Variants in SLC17A7 observed in about 807,000 individuals in gnomAD.
SLC17A7 encodes the protein solute carrier family 17 member 7.
In SLC17A7, 15 loss-of-function variants were observed where a neutral mutation model predicts 59.1. The ratio of observed to expected loss-of-function variants is 0.25; its 90% CI spans 0.17 to 0.39. SLC17A7 has a LOEUF of 0.39. Ranked by LOEUF, SLC17A7 falls within the 10% of genes least tolerant of loss-of-function variation. The pLI, the probability that SLC17A7 is intolerant of heterozygous loss-of-function variation, is 1.00. For synonymous variants in SLC17A7, 353 were observed against 308.9 expected, an observed-to-expected ratio of 1.14 and a Z score of -1.50; for missense variants, 499 against 765.1, an observed-to-expected ratio of 0.65 and a Z score of 4.10.
Position 49,432,493 on chromosome 19 carries a change from GCCGGCCCAGGC to G in SLC17A7, c.1150+15_1150+25del. The G allele has an allele frequency of 6.2e-7, 1 of 1,606,748 alleles. No homozygotes were observed. Among genetic ancestry groups the G allele is most frequent in the East Asian group, 2.2e-5 (1 of 44,666 alleles). On this transcript the variant is annotated intron_variant, in intron 9 of 11. Transcript: ENST00000221485. ...TCTGCTCCACCCAGGCTGTCCTAGAGCCGGCCCAGGCCCCGCCCCACTCACCTCCGCAGTTC... is the reference window on the plus strand; with the variant it reads ...TCTGCTCCACCCAGGCTGTCCTAGAGCCCGCCCCACTCACCTCCGCAGTTC...
At chr19:49,440,794 A>C (rs999862476) in intron 1 of SLC17A7, among the ~76,000 whole-genome samples, 1 of 152,122 alleles carries the variant, frequency 6.6e-6, no homozygotes, top group East Asian at 1.9e-4. Flanking sequence ...CCAGAGATCC[A>C]GGGAAGAGGA....
chr19:49,432,994 G>T (rs1229949226), intron 7 of SLC17A7, 34 bp from the exon 8 acceptor site: 1 of 1,584,244 alleles, frequency 6.3e-7, no homozygotes, highest in Non-Finnish European at 8.6e-7. Flanking sequence ...CTAAGACGGG[G>T]AGCGGGGCTG....
intron 1 of SLC17A7, among the ~76,000 whole-genome samples, chr19:49,439,198 T>G (rs60866110): frequency 1.3e-5 from 2 of 152,264 alleles, no homozygotes; most frequent in East Asian, 3.9e-4. Context: ...TCTGCTTCTC[T>G]CAGGATCTCT....
chr19:49,432,633 G>C lies in SLC17A7; in HGVS notation c.1036C>G (p.Leu346Val). Residue 346 changes from leucine (L) to valine (V), a missense_variant, in exon 9 of 12, where the codon CTG (leucine) becomes GTG (valine). Leu to Val is a conservative substitution (Grantham distance 32). Coordinates refer to ENST00000221485, the MANE Select transcript of SLC17A7 (RefSeq NM_020309.4). ...ATGATGGTCATGACCAGGTGGGGCA[G>C]CGCGGACACCAGGCCTACCTGCGGG... ...EISKVGLVSA[L>V]PHLVMTIIVP... 1 of 1,612,856 alleles carries C rather than the reference G, an allele frequency of 6.2e-7. No individual in the cohort carries two copies. Among genetic ancestry groups the C allele is most frequent in the Non-Finnish European group, 8.5e-7 (1 of 1,179,738 alleles).
rs1474942319 is a variant in SLC17A7, at chr19:49,431,613, A to G, written c.1151-165T>C. On this transcript the variant is annotated intron_variant, in intron 9 of 11. Transcript: ENST00000221485. This position sits in a 1 kb window ranked among gnomAD's most constrained non-coding sequence, Gnocchi z 4.6. ...TCTTCGCGCCCTCCACGCCACCCGCACCCACCCTAACCAGGCCCCTACTTC... is the reference window on the plus strand; with the variant it reads ...TCTTCGCGCCCTCCACGCCACCCGCGCCCACCCTAACCAGGCCCCTACTTC... 2.0e-5 allele frequency among the ~76,000 whole-genome samples: 3 copies of G among 151,426 alleles called. No homozygotes were observed. Among genetic ancestry groups the G allele is most frequent in the African/African-American group, 7.3e-5 (3 of 41,142 alleles).
chr19:49,440,132 G>A (rs1212596228), intron 1 of SLC17A7, among the ~76,000 whole-genome samples: 3 of 152,144 alleles, frequency 2.0e-5, no homozygotes, highest in Non-Finnish European at 4.4e-5. Context: ...CCTTATTCTT[G>A]TCTCTCATGT....
chr19:49,439,858 G>A (rs1251582117), intron 1 of SLC17A7, among the ~76,000 whole-genome samples: 4 of 152,100 alleles, frequency 2.6e-5, no homozygotes, highest in Non-Finnish European at 5.9e-5. Context: ...AACAGAGGCA[G>A]AGACTGAGGG....
Position 49,431,149 on chromosome 19 carries a change from G to T in SLC17A7, c.1262-7C>A. 2 of 1,611,816 alleles carry T rather than the reference G, an allele frequency of 1.2e-6. No homozygotes were observed. The highest frequency in any genetic ancestry group is 1.1e-5 in the South Asian group (1 of 90,932). The stretch of plus-strand genomic sequence containing the variant: ...AGGTGGTTCACGTTGAACCCTGGCG[G>T]AGAGACAAGTCGGAAGGCGTCACAC... On this transcript the variant is annotated splice_region_variant and splice_polypyrimidine_tract_variant and intron_variant, in intron 10 of 11. Transcript: ENST00000221485. The surrounding 1 kb of genome is among the most constrained non-coding windows in gnomAD (Gnocchi z 4.6).
At position 49,432,801 on chromosome 19, in the gene SLC17A7, T is replaced by TG. The variant is rs774341076; in HGVS notation, c.1017+9dup. The TG allele has an allele frequency of 1.9e-6, 3 of 1,587,208 alleles. No homozygotes were observed. The Admixed American group carries it at 5.4e-5, about 29-fold the overall frequency. The stretch of plus-strand genomic sequence containing the variant: ...TCCGCGCCCCCCTGCCCTCTCCTCC[T>TG]GGGCTCTACCTTGCTGATCTCGAAG... On this transcript the variant is annotated intron_variant, in intron 8 of 11. Coordinates refer to ENST00000221485, the MANE Select transcript of SLC17A7 (RefSeq NM_020309.4).
rs2078978953 is a variant in SLC17A7 at position 49,436,215 on chromosome 19, G to A, written c.315+334C>T. 2.9e-6 allele frequency: 1 copy of A among 344,054 alleles called. No individual in the cohort carries two copies. The highest frequency in any genetic ancestry group is 5.4e-6 in the Non-Finnish European group (1 of 184,236). 21.3% of individuals were successfully genotyped at this position (344,054 alleles called of 1,614,324 possible). A position where few individuals can be genotyped will look rare whatever the true frequency, so the allele number is the denominator to read the frequency against. On this transcript the variant is annotated intron_variant, in intron 2 of 11. Transcript: ENST00000221485. This position sits in a 1 kb window ranked among gnomAD's most constrained non-coding sequence, Gnocchi z 4.1. ...AGATGTGACCCGGGGACATGAGCTT[G>A]GGGTACAGGCGTGAGCAAAATTGCT...
intron 2 of SLC17A7, chr19:49,435,899 A>C (rs1435163200): frequency 6.5e-6 from 1 of 153,828 alleles, no homozygotes; most frequent in Non-Finnish European, 1.4e-5. Flanking sequence ...TGTCTCTACA[A>C]AGATAAAAAT....
rs1424382229 is a variant in SLC17A7 at position 49,436,776 on chromosome 19, C to T, written c.88G>A (p.Ala30Thr). The T allele has an allele frequency of 2.5e-6, 4 of 1,603,964 alleles. No homozygotes were observed. The highest frequency in any genetic ancestry group is 3.4e-6 in the Non-Finnish European group (4 of 1,179,752). The stretch of plus-strand genomic sequence containing the variant: ...TCCGCACTCAGCTCCAGCGTCTCCG[C>T]GCCTTCCTGCCGCTTCTCCAGAAGG... ...HRLLEKRQEG[A>T]ETLELSADGR... Residue 30 changes from alanine (A) to threonine (T), a missense_variant, in exon 2 of 12, where the codon GCG (alanine) becomes ACG (threonine). This residue lies in a region of SLC17A7 where 78 missense variants were observed against 80.4 expected (regional missense o/e 0.97). Coordinates refer to ENST00000221485, the MANE Select transcript of SLC17A7 (RefSeq NM_020309.4). This position sits in a 1 kb window ranked among gnomAD's most constrained non-coding sequence, Gnocchi z 4.1.
rs1600987632 is a variant in SLC17A7 at position 49,436,377 on chromosome 19, C to T, written c.315+172G>A. ...GACGGGGCTTAGGAAACGGAGGCGGCCCCTAAGGCGAGGTCAGAACTAAGG... is the reference window on the plus strand; with the variant it reads ...GACGGGGCTTAGGAAACGGAGGCGGTCCCTAAGGCGAGGTCAGAACTAAGG... On this transcript the variant is annotated intron_variant, in intron 2 of 11. Coordinates refer to ENST00000221485, the MANE Select transcript of SLC17A7 (RefSeq NM_020309.4). The surrounding 1 kb of genome is among the most constrained non-coding windows in gnomAD (Gnocchi z 4.1). Among the ~76,000 whole-genome samples the T allele has an allele frequency of 6.6e-6, 1 of 152,128 alleles. No homozygotes were observed. Among genetic ancestry groups the T allele is most frequent in the Non-Finnish European group, 1.5e-5 (1 of 67,992 alleles).
Position 49,433,541 on chromosome 19 carries a change from G to T in SLC17A7, c.867+185C>A. Reference sequence around the variant, plus strand: ...CCTGCTCAACTCCCGACCTAACCCTGCCCCCAGCACCTGAGAATCTCGTCC... The same window carrying T: ...CCTGCTCAACTCCCGACCTAACCCTTCCCCCAGCACCTGAGAATCTCGTCC... On this transcript the variant is annotated intron_variant, in intron 7 of 11. Transcript: ENST00000221485. The surrounding 1 kb of genome is among the most constrained non-coding windows in gnomAD (Gnocchi z 5.7). The T allele has an allele frequency of 1.3e-6, 1 of 791,966 alleles. No homozygotes were observed. Among genetic ancestry groups the T allele is most frequent in the Admixed American group, 2.0e-5 (1 of 50,010 alleles). 49.1% of individuals were successfully genotyped at this position (791,966 alleles called of 1,614,324 possible). A position where few individuals can be genotyped will look rare whatever the true frequency, so the allele number is the denominator to read the frequency against.
rs115088407 is a variant in SLC17A7, at chr19:49,436,212, C to T, written c.315+337G>A. Reference sequence around the variant, plus strand: ...AATAGATGTGACCCGGGGACATGAGCTTGGGGTACAGGCGTGAGCAAAATT... The same window carrying T: ...AATAGATGTGACCCGGGGACATGAGTTTGGGGTACAGGCGTGAGCAAAATT... On this transcript the variant is annotated intron_variant, in intron 2 of 11. Transcript: ENST00000221485. The surrounding 1 kb of genome is among the most constrained non-coding windows in gnomAD (Gnocchi z 4.1). The T allele has an allele frequency of 9.6e-4, 323 of 337,226 alleles. 2 individuals are homozygous for T. Among genetic ancestry groups the T allele is most frequent in the African/African-American group, 5.9e-3 (287 of 49,002 alleles). 20.9% of individuals were successfully genotyped at this position (337,226 alleles called of 1,614,324 possible).
At chr19:49,434,131 G>C (rs2078971426) in intron 5 of SLC17A7, 85 bp from the exon 6 acceptor site, 1 of 891,344 alleles carries the variant, frequency 1.1e-6, no homozygotes, top group Non-Finnish European at 1.8e-6. Context: ...CCCCTTTCCA[G>C]ACACTGAATT....
rs2078981957 is a variant in SLC17A7 at position 49,436,865 on chromosome 19, C to G, written c.63-64G>C. Reference sequence around the variant, plus strand: ...CCCCCAGCCCCCTCACCCCCAAGACCAGGATCCAGGGCAAAACCTGCTTTT... The same window carrying G: ...CCCCCAGCCCCCTCACCCCCAAGACGAGGATCCAGGGCAAAACCTGCTTTT... On this transcript the variant is annotated intron_variant, in intron 1 of 11. Transcript: ENST00000221485. The surrounding 1 kb of genome is among the most constrained non-coding windows in gnomAD (Gnocchi z 4.1). 6.4e-7 allele frequency: 1 copy of G among 1,558,144 alleles called. No homozygotes were observed. Among genetic ancestry groups the G allele is most frequent in the African/African-American group, 1.4e-5 (1 of 71,360 alleles).
At position 49,431,488 on chromosome 19, in the gene SLC17A7, C is replaced by T; in HGVS notation, c.1151-40G>A. The T allele has an allele frequency of 1.3e-6, 2 of 1,565,636 alleles. No homozygotes were observed. The highest frequency in any genetic ancestry group is 2.2e-5 in the East Asian group (1 of 44,480). ...GGGGCCCGCGTCTCCTGAGTGTCGG[C>T]CGGAGCAAGGCGCAGGCTGCCCCAC... is the stretch of plus-strand genomic sequence containing the variant. On this transcript the variant is annotated intron_variant, in intron 9 of 11. Coordinates refer to ENST00000221485, the MANE Select transcript of SLC17A7 (RefSeq NM_020309.4). The surrounding 1 kb of genome is among the most constrained non-coding windows in gnomAD (Gnocchi z 4.6).
At position 49,435,226 on chromosome 19, in the gene SLC17A7, C is replaced by G; in HGVS notation, c.376G>C (p.Gly126Arg). 1 of 1,614,120 alleles carries G rather than the reference C, an allele frequency of 6.2e-7. No homozygotes were observed. Among genetic ancestry groups the G allele is most frequent in the Non-Finnish European group, 8.5e-7 (1 of 1,180,020 alleles). Reference sequence around the variant, plus strand: ...CCTGGAATCTGAGTGACAATGTAGCCCCAGAAAAAGGAGCCGTGTATGAGG... The same window carrying G: ...CCTGGAATCTGAGTGACAATGTAGCGCCAGAAAAAGGAGCCGTGTATGAGG... Reference protein sequence around the residue: ...VGLIHGSFFWGYIVTQIPGGF... With the variant: ...VGLIHGSFFWRYIVTQIPGGF... The change falls in exon 3 of 12, where the codon GGC becomes CGC. Residue 126 changes from glycine (G) to arginine (R), a missense_variant. By Grantham distance (125) the Gly-to-Arg change is moderately radical. This residue lies in a region of SLC17A7 where 323 missense variants were observed against 607.2 expected (regional missense o/e 0.53). Transcript: ENST00000221485.
Sources: gnomAD v4.1 joint callset for allele counts (sites outside exome capture counted in the v4.1 genomes callset) on GRCh38, gnomAD v4.1.1 for gene constraint, gnomAD v4.1.1 regional missense constraint, Gnocchi (gnomAD v3.1) non-coding constraint, MANE v1.5 for transcripts, NCBI Gene and HGNC (gene_info 2026-07-23, HGNC 2026-07-21) for gene names.